The following RHBDF1 variants were observed in gnomAD, a reference collection of about 807,000 sequenced individuals.
RHBDF1 encodes the protein inactive rhomboid protein 1.
A neutral mutation model predicts 98.6 loss-of-function variants in RHBDF1; 80 were observed. The ratio of observed to expected loss-of-function variants is 0.81; its 90% confidence interval spans 0.68 to 0.98. RHBDF1 has a LOEUF of 0.98. Ranked by LOEUF, RHBDF1 falls within the 50% of genes least tolerant of loss-of-function variation. The pLI, the probability that RHBDF1 is intolerant of heterozygous loss-of-function variation, is 0.00. For synonymous variants in RHBDF1, 512 were observed against 486.8 expected (o/e 1.05, Z -0.68); for missense variants, 1,116 against 1,198.3 (o/e 0.93, Z 1.01).
Position 63,577 on chromosome 16 carries a change from G to T in RHBDF1, c.462+10C>A. The T allele has an allele frequency of 6.5e-7, 1 of 1,532,164 alleles. No individual in the cohort carries two copies. The allele number at this position is 1,532,164 out of a possible 1,614,324, so 94.9% of individuals were successfully genotyped here. A position where few individuals can be genotyped will look rare whatever the true frequency, so the allele number is the denominator to read the frequency against. On this transcript the variant is annotated intron_variant, in intron 4 of 17. Coordinates refer to ENST00000262316, the MANE Select transcript of RHBDF1 (RefSeq NM_022450.5). ...AGGGGCCTGCAGGAGGCAGCAACAG[G>T]CAGGCATACCTTCTGCATGCCCAGC...
chr16:60,346 T>A, intron 12 of RHBDF1, 67 bp from the exon 13 acceptor site: 1 of 1,606,954 alleles, frequency 6.2e-7, no homozygotes. Context: ...TCCAGCCAAG[T>A]CGCCAACAAG....
intron 1 of RHBDF1, among the ~76,000 whole-genome samples, chr16:67,308 G>A (rs895972030): frequency 2.0e-5 from 3 of 152,212 alleles, no homozygotes; most frequent in African/African-American, 7.2e-5. Flanking sequence ...GCCATTATGG[G>A]GGCCAGAGAG....
At chr16:64,869 C>T (rs2141858385) in intron 2 of RHBDF1, 30 bp downstream of exon 2, 2 of 1,613,906 alleles carry the variant, frequency 1.2e-6, no homozygotes, top group Non-Finnish European at 1.7e-6. Flanking sequence ...GGACAGGGGG[C>T]ACCCACAGTC....
At chr16:60,082 G>A (rs1439533638) in intron 13 of RHBDF1, 134 bp downstream of exon 13, 2 of 1,531,428 alleles carry the variant, frequency 1.3e-6, no homozygotes, top group Non-Finnish European at 1.8e-6. Context: ...GCTGTACAAA[G>A]GGCAGGTGCA....
At chr16:67,757 G>A (rs752851965) in intron 1 of RHBDF1, among the ~76,000 whole-genome samples, 1 of 152,212 alleles carries the variant, frequency 6.6e-6, no homozygotes, top group Non-Finnish European at 1.5e-5. Context: ...GGCCTGCTCT[G>A]AAGCCACCGC....
At chr16:62,140 TC>T in intron 7 of RHBDF1, 88 bp from the exon 8 acceptor site, 1 of 1,420,954 alleles carries the variant, frequency 7.0e-7, no homozygotes, top group Non-Finnish European at 9.2e-7. Flanking sequence ...CCTGTCTCTA[TC>T]CTGGCGAATA....
At chr16:64,216 G>T in intron 3 of RHBDF1, 1 of 1,310,656 alleles carries the variant, frequency 7.6e-7, no homozygotes, top group Non-Finnish European at 1.0e-6. Context: ...CAAAAACACT[G>T]CCAGCACCTG....
intron 1 of RHBDF1, 114 bp from the exon 2 acceptor site, chr16:65,153 C>G: frequency 8.9e-7 from 1 of 1,118,994 alleles, no homozygotes; most frequent in Non-Finnish European, 1.2e-6. Context: ...GTGCTCATGT[C>G]CCCCACTGTC....
rs149977945 is a variant in RHBDF1, at chr16:59,571, G to T, written c.1818-77C>A. 395 of 1,505,910 alleles carry T rather than the reference G, an allele frequency of 2.6e-4. 2 individuals are homozygous for T. In the African/African-American group the frequency reaches 5.0e-3, roughly 19 times the overall value. The allele number at this position is 1,505,910 out of a possible 1,614,324, so 93.3% of individuals were successfully genotyped here. A position where few individuals can be genotyped will look rare whatever the true frequency, so the allele number is the denominator to read the frequency against. The stretch of plus-strand genomic sequence containing the variant: ...CTGGCATCCAGGGCGAGTTTCAGCC[G>T]CACCTACCCACCTTTGTTGGCCCCA... On this transcript the variant is annotated intron_variant, in intron 14 of 17. Coordinates refer to ENST00000262316, the MANE Select transcript of RHBDF1 (RefSeq NM_022450.5).
intron 1 of RHBDF1, among the ~76,000 whole-genome samples, chr16:71,365 G>A (rs1897963199): frequency 6.6e-6 from 1 of 152,198 alleles, no homozygotes; most frequent in South Asian, 2.1e-4. Flanking sequence ...ATGACCCCTG[G>A]TGGCAGGGGG....
intron 3 of RHBDF1, chr16:64,263 A>C: frequency 1.5e-6 from 2 of 1,332,126 alleles, no homozygotes; most frequent in African/African-American, 1.5e-5. Flanking sequence ...CCACACTGGC[A>C]GCTCCCAAGA....
chr16:64,546 A>G, intron 3 of RHBDF1, 153 bp downstream of exon 3: 1 of 1,547,578 alleles, frequency 6.5e-7, no homozygotes, highest in Non-Finnish European at 8.7e-7. Flanking sequence ...CAGTATCCAG[A>G]ACAGGAGGAG....
chr16:72,650 C>G (rs1325713975), upstream of RHBDF1: 74 of 829,290 alleles, frequency 8.9e-5, no homozygotes, highest in Admixed American at 9.8e-4. Flanking sequence ...GAGGGGCGTG[C>G]GCCCGGGGGC....
intron 1 of RHBDF1, among the ~76,000 whole-genome samples, chr16:72,244 G>A (rs1459138268): frequency 6.6e-6 from 1 of 152,182 alleles, no homozygotes; most frequent in African/African-American, 2.4e-5. Context: ...TGCTAATCCG[G>A]CCACGGGCTA....
chr16:61,878 C>T lies in RHBDF1; in HGVS notation c.1128G>A (p.Val376=), dbSNP rs1435189021. The T allele has an allele frequency of 6.2e-7, 1 of 1,609,416 alleles. No individual in the cohort carries two copies. The highest frequency in any genetic ancestry group is 8.5e-7 in the Non-Finnish European group (1 of 1,179,788). Residue 376 remains valine (V), a synonymous_variant, in exon 8 of 18, where the codon GTG becomes GTA. Transcript: ENST00000262316. ...GGTAGGTGCGGTTGGTGAGCCGTCCCACCATGCCCAGCCCATACGGCCGCT... is the reference window on the plus strand; with the variant it reads ...GGTAGGTGCGGTTGGTGAGCCGTCCTACCATGCCCAGCCCATACGGCCGCT... ...REKRPYGLGM[V]GRLTNRTYRK...
chr16:75,691 G>A (rs530440279), upstream of RHBDF1, among the ~76,000 whole-genome samples: 5 of 152,268 alleles, frequency 3.3e-5, no homozygotes, highest in East Asian at 1.9e-4. Flanking sequence ...ACCCAACCTC[G>A]GCCTGCCCAG....
At chr16:70,011 A>AGGGG (rs11306273) in intron 1 of RHBDF1, among the ~76,000 whole-genome samples, 11 of 79,238 alleles carry the variant, frequency 1.4e-4, no homozygotes, top group African/African-American at 3.2e-4. Flanking sequence ...ACTTGGCAGG[A>AGGGG]GGGGGGGGGG....
chr16:58,910 G>A (rs116534594), intron 17 of RHBDF1, 64 bp downstream of exon 17: 23,233 of 1,590,442 alleles, frequency 0.015, 289 homozygotes, highest in African/African-American at 0.05. Context: ...TGCTCGATAT[G>A]GACAGGTTCA....
Position 60,170 on chromosome 16 carries a change from C to T in RHBDF1, c.1722+46G>A, listed in dbSNP as rs558770785. 10 of 1,613,494 alleles carry T rather than the reference C, an allele frequency of 6.2e-6. No homozygotes were observed. The South Asian group carries it at 1.1e-4, about 18-fold the overall frequency. On this transcript the variant is annotated intron_variant, in intron 13 of 17. Coordinates refer to ENST00000262316, the MANE Select transcript of RHBDF1 (RefSeq NM_022450.5). ...GTGGGTGGGGTGTGGCATTCTCTCC[C>T]ACATGACACGGAGGGCTCCCTAACA...
Sources: gnomAD v4.1 joint callset for allele counts (sites outside exome capture counted in the v4.1 genomes callset) on GRCh38, gnomAD v4.1.1 for gene constraint, MANE v1.5 for transcripts, NCBI Gene and HGNC (gene_info 2026-07-23, HGNC 2026-07-21) for gene names.